Variants in SNAP23 observed in about 807,000 individuals in gnomAD.
The protein encoded by SNAP23 is synaptosomal-associated protein 23.
In SNAP23, 11 loss-of-function variants were observed where a neutral mutation model predicts 29.0. That is an observed-to-expected ratio of 0.38 (90% CI 0.24 to 0.63). SNAP23 has a LOEUF of 0.63. SNAP23 is among the 20% of genes least tolerant of loss of function. SNAP23 has a pLI of 0.58. For missense variants in SNAP23, 220 were observed against 253.9 expected (o/e 0.87, Z 0.91); for synonymous variants, 60 against 82.9 (o/e 0.72, Z 1.50).
At chr15:42,500,389 CTTTTT>C (rs769547908) in intron 1 of SNAP23, among the ~76,000 whole-genome samples, 1 of 138,616 alleles carries the variant, frequency 7.2e-6, no homozygotes, top group Non-Finnish European at 1.6e-5. Context: ...TTTCTTTTCC[CTTTTT>C]TTTTTTTTTT....
intron 1 of SNAP23, among the ~76,000 whole-genome samples, chr15:42,508,036 G>T (rs1024433377): frequency 6.6e-6 from 1 of 152,022 alleles, no homozygotes; most frequent in African/African-American, 2.4e-5. Context: ...TGGGAGGATT[G>T]CTTGACCCCA....
chr15:42,493,970 T>G (rs1297060011), upstream of SNAP23, among the ~76,000 whole-genome samples: 1 of 152,130 alleles, frequency 6.6e-6, no homozygotes, highest in African/African-American at 2.4e-5. Flanking sequence ...CTTACCAGTG[T>G]TTCGAACTGC....
chr15:42,524,215 C>A (rs536420494), intron 5 of SNAP23, among the ~76,000 whole-genome samples: 1 of 152,132 alleles, frequency 6.6e-6, no homozygotes, highest in Non-Finnish European at 1.5e-5. Context: ...TAATAGACTA[C>A]CAGAGTAATC....
chr15:42,505,383 C>G (rs2141511985), intron 1 of SNAP23: 1 of 151,384 alleles, frequency 6.6e-6, no homozygotes, highest in South Asian at 2.1e-4. Context: ...ATTTAAAGTG[C>G]TCTTTCTTCA....
At chr15:42,501,026 CT>C (rs2057265280) in intron 1 of SNAP23, among the ~76,000 whole-genome samples, 1 of 152,066 alleles carries the variant, frequency 6.6e-6, no homozygotes, top group Non-Finnish European at 1.5e-5. Flanking sequence ...ATTGAAATTA[CT>C]TTCGATGGCC....
intron 7 of SNAP23, among the ~76,000 whole-genome samples, chr15:42,531,172 C>T (rs770151485): frequency 3.9e-5 from 6 of 152,098 alleles, no homozygotes; most frequent in Admixed American, 6.5e-5. Flanking sequence ...TGAAAAAATG[C>T]GTTATAGAAT....
chr15:42,506,544 C>G (rs1254620484), intron 1 of SNAP23, among the ~76,000 whole-genome samples: 1 of 152,180 alleles, frequency 6.6e-6, no homozygotes, highest in Non-Finnish European at 1.5e-5. Flanking sequence ...AGCCAATAGA[C>G]TTCTTTTCAT....
intron 5 of SNAP23, among the ~76,000 whole-genome samples, chr15:42,516,289 C>G (rs918896356): frequency 5.3e-5 from 8 of 152,108 alleles, no homozygotes; most frequent in African/African-American, 1.9e-4. Context: ...CTTGGCCTCC[C>G]AAAGTGCTAG....
chr15:42,528,043 G>A, intron 5 of SNAP23: 1 of 465,878 alleles, frequency 2.1e-6, no homozygotes, highest in Non-Finnish European at 3.8e-6. Flanking sequence ...GTAGTATTTG[G>A]ACCTTTTTAA....
intron 5 of SNAP23, among the ~76,000 whole-genome samples, chr15:42,524,837 A>G (rs375444018): frequency 2.0e-5 from 3 of 152,214 alleles, no homozygotes; most frequent in African/African-American, 7.2e-5. Context: ...CTATCTGACA[A>G]TGCCTTAAAA....
intron 1 of SNAP23, among the ~76,000 whole-genome samples, chr15:42,500,578 C>G (rs190901225): frequency 6.6e-6 from 1 of 151,922 alleles, no homozygotes; most frequent in Non-Finnish European, 1.5e-5. Context: ...TTAGGAGAAA[C>G]GAGGTTTCAC....
intron 5 of SNAP23, among the ~76,000 whole-genome samples, chr15:42,525,336 C>G (rs2057490251): frequency 6.8e-6 from 1 of 147,650 alleles, no homozygotes; most frequent in South Asian, 2.2e-4. Flanking sequence ...CCACTGCACT[C>G]CAGCCTGGGC....
intron 1 of SNAP23, among the ~76,000 whole-genome samples, chr15:42,507,270 GATA>G (rs1190778696): frequency 4.6e-5 from 7 of 152,150 alleles, no homozygotes; most frequent in Admixed American, 4.6e-4. Context: ...GTATAATGAA[GATA>G]ATGATGTAGA....
At chr15:42,510,361 C>T (rs1308978666) in intron 1 of SNAP23, among the ~76,000 whole-genome samples, 2 of 152,056 alleles carry the variant, frequency 1.3e-5, no homozygotes, top group African/African-American at 4.8e-5. Flanking sequence ...AACTCCAACT[C>T]CTGAGCTCAA....
intron 7 of SNAP23, among the ~76,000 whole-genome samples, chr15:42,530,593 T>A (rs2057554836): frequency 6.6e-6 from 1 of 151,838 alleles, no homozygotes; most frequent in African/African-American, 2.4e-5. Context: ...ACTAAAAAAA[T>A]TTAAAAATTG....
chr15:42,504,875 G>A (rs973985076), intron 1 of SNAP23, among the ~76,000 whole-genome samples: 9 of 152,150 alleles, frequency 5.9e-5, no homozygotes, highest in African/African-American at 1.4e-4. Context: ...TACCATGGAC[G>A]TAGACTTCTA....
chr15:42,522,193 A>G (rs1410689205), intron 5 of SNAP23: 2 of 152,292 alleles, frequency 1.3e-5, no homozygotes, highest in Non-Finnish European at 2.9e-5. Context: ...TAAGGAATCA[A>G]TTGCCAGTCT....
At chr15:42,517,372 C>T (rs79864687) in intron 5 of SNAP23, among the ~76,000 whole-genome samples, 2,731 of 152,250 alleles carry the variant, frequency 0.018, 79 homozygotes, top group African/African-American at 0.063. Flanking sequence ...CATGTACCTT[C>T]TTGGAAGAGT....
chr15:42,513,149 A>G (rs2057370267), intron 3 of SNAP23, 153 bp downstream of exon 3: 4 of 766,882 alleles, frequency 5.2e-6, no homozygotes, highest in Non-Finnish European at 9.2e-6. Context: ...CACTAATGGG[A>G]ATTTTCTGTT....
Sources: allele counts gnomAD v4.1 joint callset (sites outside exome capture counted in the v4.1 genomes callset), GRCh38; gene constraint gnomAD v4.1.1; transcripts MANE v1.5; gene names NCBI Gene and HGNC (gene_info 2026-07-23, HGNC 2026-07-21).